Variants in ARAP2 observed in about 807,000 individuals in gnomAD.
The protein encoded by ARAP2 is ArfGAP with RhoGAP domain, ankyrin repeat and PH domain 2.
In ARAP2, 148 loss-of-function variants were observed where a neutral mutation model predicts 194.5. The observed-to-expected ratio is 0.76, with a 90% CI of 0.67 to 0.87. The LOEUF is 0.87. Among genes scored for constraint, ARAP2 ranks in the 40% least tolerant of loss-of-function variants. ARAP2 has a pLI of 0.00. For missense variants in ARAP2, 2,128 were observed against 1,989.7 expected (o/e 1.07, Z -1.32); for synonymous variants, 695 against 683.5 (o/e 1.02, Z -0.26).
chr4:36,206,245 A>AT, intron 6 of ARAP2, among the ~76,000 whole-genome samples: 1 of 152,170 alleles, frequency 6.6e-6, no homozygotes. Context: ...GTCTTGGGCT[A>AT]TTGGCTTCTG....
chr4:36,079,418 T>C (rs1271673064), intron 31 of ARAP2, among the ~76,000 whole-genome samples: 1 of 152,128 alleles, frequency 6.6e-6, no homozygotes, highest in East Asian at 1.9e-4. Context: ...AGCTAACTTA[T>C]TTCTTATAAG....
At position 36,039,772 on chromosome 4, in the gene ARAP2, C is replaced by T. The variant is rs1458758734; in HGVS notation, n.607+6207G>A. Among the ~76,000 whole-genome samples, 4 of 151,972 alleles carry T rather than the reference C, an allele frequency of 2.6e-5. No individual in the cohort carries two copies. The East Asian group carries it at 7.7e-4, about 29-fold the overall frequency. On this transcript the variant is annotated intron_variant and non_coding_transcript_variant, in intron 5 of 12. Transcript: ENST00000503225. ...AGTCACTGTGATAAAGGAGGATCAG[C>T]AGGACTGGAAGAGGTGTCATAAAGA... is the stretch of plus-strand genomic sequence containing the variant.
chr4:36,186,151 A>G (rs1740508260), intron 8 of ARAP2, among the ~76,000 whole-genome samples: 1 of 152,236 alleles, frequency 6.6e-6, no homozygotes, highest in South Asian at 2.1e-4. Flanking sequence ...GTTGAATTAT[A>G]TATCTATTCC....
chr4:36,084,744 C>T (rs1227599114), intron 28 of ARAP2, among the ~76,000 whole-genome samples: 1 of 151,744 alleles, frequency 6.6e-6, no homozygotes, highest in Non-Finnish European at 1.5e-5. Context: ...GGAAAAGTAA[C>T]CAGGAAGATG....
chr4:36,122,752 TAA>T (rs1278635669), intron 22 of ARAP2, among the ~76,000 whole-genome samples: 3 of 151,402 alleles, frequency 2.0e-5, no homozygotes, highest in African/African-American at 7.3e-5. Context: ...CCCCTGAACT[TAA>T]AAGTTTACAA....
intron 9 of ARAP2, among the ~76,000 whole-genome samples, chr4:36,167,515 A>G (rs898782551): frequency 6.6e-6 from 1 of 152,164 alleles, no homozygotes; most frequent in African/African-American, 2.4e-5. Context: ...TAGAAAAAAG[A>G]TCTGGAGCCC....
chr4:36,156,514 A>G (rs1483342478), intron 15 of ARAP2, among the ~76,000 whole-genome samples: 3 of 150,284 alleles, frequency 2.0e-5, no homozygotes, highest in Non-Finnish European at 4.4e-5. Context: ...AGGAGGGAGG[A>G]AGGAAGGAAG....
At chr4:36,118,145 G>T (rs1721823255) in intron 24 of ARAP2, among the ~76,000 whole-genome samples, 1 of 151,316 alleles carries the variant, frequency 6.6e-6, no homozygotes, top group African/African-American at 2.4e-5. Flanking sequence ...TACAGGCTTA[G>T]AAAAGCTTAT....
intron 6 of ARAP2, among the ~76,000 whole-genome samples, chr4:36,208,688 A>G (rs1438288048): frequency 2.0e-5 from 3 of 152,228 alleles, no homozygotes; most frequent in Non-Finnish European, 4.4e-5. Context: ...GATTTAATGA[A>G]TGCATGCCTT....
At chr4:36,191,004 A>G (rs1210900154) in intron 7 of ARAP2, among the ~76,000 whole-genome samples, 3 of 152,222 alleles carry the variant, frequency 2.0e-5, no homozygotes, top group African/African-American at 7.2e-5. Flanking sequence ...TTCCATTGTC[A>G]GGCAACCTAA....
chr4:36,176,884 TAGTC>T (rs1560597584), intron 9 of ARAP2, among the ~76,000 whole-genome samples: 5 of 152,184 alleles, frequency 3.3e-5, no homozygotes, highest in African/African-American at 4.8e-5. Context: ...TTATAAAAAA[TAGTC>T]AGCATTTATA....
intron 22 of ARAP2, among the ~76,000 whole-genome samples, 191 bp from the exon 23 acceptor site, chr4:36,121,517 A>C (rs983345199): frequency 1.2e-4 from 18 of 151,790 alleles, no homozygotes; most frequent in Non-Finnish European, 2.4e-4. Flanking sequence ...CATCAGAAAA[A>C]GTACTGTTAA....
At chr4:36,014,049 A>T (rs1300532016) in intron 8 of ARAP2, among the ~76,000 whole-genome samples, 4 of 151,754 alleles carry the variant, frequency 2.6e-5, no homozygotes, top group Non-Finnish European at 4.4e-5. Context: ...CAACATGGTG[A>T]AACCCCATCT....
At chr4:36,096,624 A>G (rs997199344) in intron 27 of ARAP2, among the ~76,000 whole-genome samples, 1 of 152,096 alleles carries the variant, frequency 6.6e-6, no homozygotes, top group African/African-American at 2.4e-5. Context: ...AACAAACCCA[A>G]TAGTTTTCAT....
rs1161152255 is a variant in ARAP2 at position 36,214,425 on chromosome 4, G to C, written c.961C>G (p.Gln321Glu). 1.9e-6 allele frequency: 3 copies of C among 1,594,416 alleles called. No homozygotes were observed. Among genetic ancestry groups the C allele is most frequent in the Non-Finnish European group, 2.6e-6 (3 of 1,168,180 alleles). ...ATSTEKSVAW[Q>E]NSNEENSSSI... ...GACATTAAACACATAGACTCACTTT[G>C]CCATGCCACAGATTTTTCAGTTGAG... Residue 321 changes from glutamine to glutamate, a missense_variant, in exon 3 of 33, where the codon CAA (glutamine) becomes GAA (glutamate). Gln to Glu is a conservative substitution (Grantham distance 29). Coordinates refer to ENST00000303965, the MANE Select transcript of ARAP2 (RefSeq NM_015230.4).
intron 2 of ARAP2, among the ~76,000 whole-genome samples, chr4:36,226,511 C>CA (rs1750342345): frequency 6.7e-6 from 1 of 150,346 alleles, no homozygotes; most frequent in African/African-American, 2.4e-5. Flanking sequence ...TCTTTTAAGC[C>CA]CCCCCCCACA....
chr4:36,065,997 A>C (rs1275125322), downstream of ARAP2: 1 of 152,252 alleles, frequency 6.6e-6, no homozygotes, highest in East Asian at 1.9e-4. Context: ...ATAAAGTCAC[A>C]TTCAAGTAGA....
At chr4:36,203,383 A>T (rs1315965010) in intron 6 of ARAP2, among the ~76,000 whole-genome samples, 19 of 152,080 alleles carry the variant, frequency 1.2e-4, no homozygotes, top group Admixed American at 1.2e-3. Context: ...CAGGAGATCA[A>T]GACCAGCCTG....
chr4:36,034,564 A>G (rs891286434), intron 5 of ARAP2, among the ~76,000 whole-genome samples: 2 of 152,076 alleles, frequency 1.3e-5, no homozygotes, highest in Non-Finnish European at 2.9e-5. Context: ...AGATTTTTCT[A>G]TGTATAAAAT....
Sources: gnomAD v4.1 joint callset for allele counts (sites outside exome capture counted in the v4.1 genomes callset) on GRCh38, gnomAD v4.1.1 for gene constraint, MANE v1.5 for transcripts, NCBI Gene and HGNC (gene_info 2026-07-23, HGNC 2026-07-21) for gene names.